CILP: variants seen among roughly 807,000 people sequenced by gnomAD.
CILP encodes the protein cartilage intermediate layer protein 1.
In CILP, 75 loss-of-function variants were observed where a neutral mutation model predicts 82.5. The observed-to-expected ratio is 0.91, with a 90% CI of 0.75 to 1.10. The LOEUF is 1.10. CILP is among the 50% of genes least tolerant of loss of function. The pLI, the probability that CILP is intolerant of heterozygous loss-of-function variation, is 0.00. For missense variants in CILP, 1,479 were observed against 1,530.8 expected (o/e 0.97, Z 0.56); for synonymous variants, 530 against 580.3 (o/e 0.91, Z 1.25).
chr15:65,199,979 G>GT (rs1161646814), intron 8 of CILP, among the ~76,000 whole-genome samples: 1 of 152,126 alleles, frequency 6.6e-6, no homozygotes, highest in African/African-American at 2.4e-5. Context: ...GGAAAATCAC[G>GT]TTTCTACAAC....
Position 65,205,423 on chromosome 15 carries a change from A to G in CILP, c.468T>C (p.Ser156=). The change falls in exon 5 of 9, where the codon TCT becomes TCC. Residue 156 remains serine, a synonymous_variant. Transcript: ENST00000261883. ...AGGCAGCTGAGCACTTGCTCCAGGGAGACCATGGGCTCCAGATGCGCTCTG... is the reference window on the plus strand; with the variant it reads ...AGGCAGCTGAGCACTTGCTCCAGGGGGACCATGGGCTCCAGATGCGCTCTG... ...RDTERIWSPW[S]PWSKCSAACG... 6.2e-7 allele frequency: 1 copy of G among 1,613,640 alleles called. No homozygotes were observed. Among genetic ancestry groups the G allele is most frequent in the Non-Finnish European group, 8.5e-7 (1 of 1,179,714 alleles).
intron 2 of CILP, among the ~76,000 whole-genome samples, chr15:65,208,581 G>A (rs1032804133): frequency 6.6e-6 from 1 of 152,144 alleles, no homozygotes; most frequent in Non-Finnish European, 1.5e-5. Context: ...GCCTAATTGG[G>A]GCAGCGGTCC....
In CILP at chr15:65,209,769, C is replaced by T. The variant is rs763236282; in HGVS notation, c.-14G>A. 3.1e-6 allele frequency: 5 copies of T among 1,613,846 alleles called. No homozygotes were observed. The East Asian group carries it at 1.1e-4, about 36-fold the overall frequency. ...GGTCCCCACCATCTTTCCCCCAAGC[C>T]CGTGGGAACGTGGCAAGAGGTAGAT... On this transcript the variant is annotated 5_prime_UTR_variant, in exon 2 of 9. Coordinates refer to ENST00000261883, the MANE Select transcript of CILP (RefSeq NM_003613.4).
intron 4 of CILP, among the ~76,000 whole-genome samples, 169 bp downstream of exon 4, chr15:65,206,613 T>C (rs1268161469): frequency 6.6e-6 from 1 of 152,200 alleles, no homozygotes; most frequent in East Asian, 1.9e-4. Flanking sequence ...TTGTTATTAT[T>C]ACAGAGTCCA....
chr15:65,203,529 T>C (rs1465532548), intron 6 of CILP, 59 bp from the exon 7 acceptor site: 1 of 1,235,894 alleles, frequency 8.1e-7, no homozygotes, highest in Non-Finnish European at 1.2e-6. Flanking sequence ...TGACAGGTTC[T>C]ACAGAGCCTA....
chr15:65,211,023 A>G (rs1011328728), intron 1 of CILP, among the ~76,000 whole-genome samples: 2 of 152,040 alleles, frequency 1.3e-5, no homozygotes, highest in Non-Finnish European at 2.9e-5. Context: ...TGGAAAAACC[A>G]TTTCCCATCT....
At position 65,201,896 on chromosome 15, in the gene CILP, T is replaced by G. The variant is rs1385080197; in HGVS notation, c.1162A>C (p.Lys388Gln). The G allele has an allele frequency of 1.9e-6, 3 of 1,577,086 alleles. No homozygotes were observed. Among genetic ancestry groups the G allele is most frequent in the Non-Finnish European group, 2.6e-6 (3 of 1,162,998 alleles). Residue 388 changes from lysine to glutamine, a missense_variant, in exon 8 of 9, where the codon AAG becomes CAG. Transcript: ENST00000261883. ...AQSDAGAVKSKVAQLIVIASD... is the reference protein window; with the variant it reads ...AQSDAGAVKSQVAQLIVIASD... Reference sequence around the variant, plus strand: ...CCTATGACAATCAGCTGGGCAACCTTGGACTTCACAGCCCCAGCATCACTC... The same window carrying G: ...CCTATGACAATCAGCTGGGCAACCTGGGACTTCACAGCCCCAGCATCACTC...
intron 4 of CILP, among the ~76,000 whole-genome samples, chr15:65,206,363 C>T (rs1186091059): frequency 6.6e-6 from 1 of 152,100 alleles, no homozygotes; most frequent in Non-Finnish European, 1.5e-5. Context: ...ATTAAAAACC[C>T]CTATGAAGAC....
rs749125121 is a variant in CILP, at chr15:65,204,600, A to G, written c.605-18T>C. Reference sequence around the variant, plus strand: ...GTCACAGGCTGTGGAACAAGGGGCCATATCAGCAGGGATTCTATGGATTCT... The same window carrying G: ...GTCACAGGCTGTGGAACAAGGGGCCGTATCAGCAGGGATTCTATGGATTCT... On this transcript the variant is annotated intron_variant, in intron 5 of 8. Coordinates refer to ENST00000261883, the MANE Select transcript of CILP (RefSeq NM_003613.4). 3 of 1,577,508 alleles carry G rather than the reference A, an allele frequency of 1.9e-6. No individual in the cohort carries two copies. Among genetic ancestry groups the G allele is most frequent in the Admixed American group, 4.1e-5 (2 of 48,528 alleles).
chr15:65,201,811 C>G, intron 8 of CILP, 61 bp downstream of exon 8: 1 of 1,252,754 alleles, frequency 8.0e-7, no homozygotes, highest in Non-Finnish European at 1.1e-6. Context: ...GTTATGCCCA[C>G]CTGGGTGCTC....
chr15:65,198,020 C>A lies in CILP; in HGVS notation c.2266G>T (p.Val756Leu). Residue 756 changes from valine to leucine, a missense_variant, in exon 9 of 9, where the codon GTG becomes TTG. Val to Leu is a conservative substitution (Grantham distance 32). Transcript: ENST00000261883. ...VPESRRCFVKVRAYRSERFLP... is the reference protein window; with the variant it reads ...VPESRRCFVKLRAYRSERFLP... ...AACCTCTCACTCCGGTAGGCCCTCA[C>A]CTTAACAAAGCACCGCCTGCTTTCA... 1 of 1,614,248 alleles carries A rather than the reference C, an allele frequency of 6.2e-7. No homozygotes were observed. Among genetic ancestry groups the A allele is most frequent in the Middle Eastern group, 1.6e-4 (1 of 6,062 alleles).
At chr15:65,206,320 G>A (rs2088516955) in intron 4 of CILP, among the ~76,000 whole-genome samples, 1 of 152,098 alleles carries the variant, frequency 6.6e-6, no homozygotes, top group African/African-American at 2.4e-5. Context: ...ATTTACCTGG[G>A]TTAAGCCTCT....
intron 8 of CILP, among the ~76,000 whole-genome samples, chr15:65,199,792 C>A (rs2088427889): frequency 6.6e-6 from 1 of 152,246 alleles, no homozygotes; most frequent in African/African-American, 2.4e-5. Flanking sequence ...CACTACCCTC[C>A]AGCCTGGGCG....
intron 8 of CILP, among the ~76,000 whole-genome samples, chr15:65,199,399 G>T (rs944911617): frequency 6.6e-6 from 1 of 152,208 alleles, no homozygotes; most frequent in African/African-American, 2.4e-5. Flanking sequence ...CTGGCATATT[G>T]TGGGTAGGGG....
Position 65,196,341 on chromosome 15 carries a change from A to C in CILP, c.*390T>G, listed in dbSNP as rs931449980. ...AGGCTTGCCTATGTCCTGTGGAGCA[A>C]GGCCAAGAAATATGCTTTATATTGG... On this transcript the variant is annotated 3_prime_UTR_variant, in exon 9 of 9. Coordinates refer to ENST00000261883, the MANE Select transcript of CILP (RefSeq NM_003613.4). 1 of 169,168 alleles carries C rather than the reference A, an allele frequency of 5.9e-6. No homozygotes were observed. The highest frequency in any genetic ancestry group is 1.3e-5 in the Non-Finnish European group (1 of 79,976). 10.5% of individuals were successfully genotyped at this position (169,168 alleles called of 1,614,324 possible).
Position 65,197,365 on chromosome 15 carries a change from C to T in CILP, c.2921G>A (p.Gly974Glu), listed in dbSNP as rs769047039. 6.2e-7 allele frequency: 1 copy of T among 1,614,254 alleles called. No individual in the cohort carries two copies. The highest frequency in any genetic ancestry group is 8.5e-7 in the Non-Finnish European group (1 of 1,180,048). ...LEVNVRSRNM[G>E]GTHRQTVGKL... ...CCCCACTGTCTGCCGATGAGTGCCC[C>T]CCATGTTGCGGGATCGCACATTCAC... Residue 974 changes from glycine to glutamate, a missense_variant, in exon 9 of 9, where the codon GGG becomes GAG. Physicochemically the swap from Gly to Glu is moderately conservative, Grantham distance 98. Transcript: ENST00000261883.
chr15:65,199,001 C>T lies in CILP; in HGVS notation c.1285G>A (p.Val429Met), dbSNP rs150023863. ...QNATNSFYYD[V>M]GRCPVKTCAG... The stretch of plus-strand genomic sequence containing the variant: ...CAAGTCTTAACAGGGCAGCGTCCCA[C>T]GTCATAGTAGAAGGAGTTGGTGGCA... The change falls in exon 9 of 9, where the codon GTG (valine) becomes ATG (methionine). Residue 429 changes from valine to methionine, a missense_variant. Physicochemically the swap from Val to Met is conservative, Grantham distance 21. Transcript: ENST00000261883. 2.7e-4 allele frequency: 432 copies of T among 1,611,220 alleles called. 2 individuals are homozygous for T. Among genetic ancestry groups the T allele is most frequent in the Middle Eastern group, 4.9e-4 (3 of 6,062 alleles).
intron 1 of CILP, among the ~76,000 whole-genome samples, chr15:65,210,318 G>A (rs1216916083): frequency 6.6e-6 from 1 of 152,212 alleles, no homozygotes; most frequent in East Asian, 1.9e-4. Context: ...AAGGCAGGCT[G>A]GCTGGAGGGT....
rs747201105 is a variant in CILP at position 65,196,956 on chromosome 15, A to T, written c.3330T>A (p.Asn1110Lys). 18 of 1,613,948 alleles carry T rather than the reference A, an allele frequency of 1.1e-5. No individual in the cohort carries two copies. Among genetic ancestry groups the T allele is most frequent in the Non-Finnish European group, 1.5e-5 (18 of 1,179,938 alleles). ...SDGSSRIMKSNVGVALTFNCV... is the reference protein window; with the variant it reads ...SDGSSRIMKSKVGVALTFNCV... ...AGTTGAAGGTGAGGGCTACTCCCAC[A>T]TTGCTCTTCATGATTCTGGAGGAGC... Residue 1110 changes from asparagine (N) to lysine (K), a missense_variant, in exon 9 of 9, where the codon AAT (asparagine) becomes AAA (lysine). Physicochemically the swap from Asn to Lys is moderately conservative, Grantham distance 94. Coordinates refer to ENST00000261883, the MANE Select transcript of CILP (RefSeq NM_003613.4).
Sources: allele counts gnomAD v4.1 joint callset (sites outside exome capture counted in the v4.1 genomes callset), GRCh38; gene constraint gnomAD v4.1.1; transcripts MANE v1.5; gene names NCBI Gene and HGNC (gene_info 2026-07-23, HGNC 2026-07-21).